The following PTPRD variants were observed in gnomAD, a reference collection of about 807,000 sequenced individuals.
PTPRD encodes the protein receptor-type tyrosine-protein phosphatase delta.
A neutral mutation model predicts 214.5 loss-of-function variants in PTPRD; 34 were observed. The ratio of observed to expected loss-of-function variants is 0.16; its 90% CI spans 0.12 to 0.21. PTPRD has a LOEUF of 0.21. Among genes scored for constraint, PTPRD ranks in the 10% least tolerant of loss-of-function variants. The pLI, the probability that PTPRD is intolerant of heterozygous loss-of-function variation, is 1.00. For missense variants in PTPRD, 2,545 were observed against 2,398.7 expected (o/e 1.06, Z -1.27); for synonymous variants, 1,128 against 845.7 (o/e 1.33, Z -5.79).
At chr9:8,637,328 C>T (rs745830745) in intron 12 of PTPRD, among the ~76,000 whole-genome samples, 2 of 152,086 alleles carry the variant, frequency 1.3e-5, no homozygotes, top group South Asian at 4.1e-4. Flanking sequence ...CAAGAAATAT[C>T]GCCCTGAATT....
At chr9:9,616,950 T>G (rs1465057254) in intron 7 of PTPRD, among the ~76,000 whole-genome samples, 6 of 152,190 alleles carry the variant, frequency 3.9e-5, no homozygotes, top group Non-Finnish European at 7.4e-5. Flanking sequence ...AATTTTAAAA[T>G]AAACTTGTTT....
At position 9,200,806 on chromosome 9, in the gene PTPRD, C is replaced by G. The variant is rs150101527; in HGVS notation, c.-202-17443G>C. On this transcript the variant is annotated intron_variant, in intron 9 of 45. Transcript: ENST00000381196. ...GTTCCTTTATCTTTCTAACCAAAAA[C>G]TGCAAAAACCTTTAGAACAAAGAAA... is the stretch of plus-strand genomic sequence containing the variant. Among the ~76,000 whole-genome samples, 676 of 152,292 alleles carry G rather than the reference C, an allele frequency of 4.4e-3. 3 individuals carry two copies. Among genetic ancestry groups the G allele is most frequent in the Non-Finnish European group, 6.6e-3 (452 of 68,012 alleles).
chr9:9,613,127 CATACATACATATATATATATATATATAT>C (rs1946034440), intron 7 of PTPRD, among the ~76,000 whole-genome samples: 1 of 39,118 alleles, frequency 2.6e-5, no homozygotes, highest in South Asian at 9.6e-4. Flanking sequence ...CTGCAGTATA[CATACATACATATATATATATATATATAT>C]ATATATATAT....
chr9:9,740,641 G>C (rs2098387047), intron 6 of PTPRD, among the ~76,000 whole-genome samples: 1 of 152,160 alleles, frequency 6.6e-6, no homozygotes, highest in Admixed American at 6.6e-5. Flanking sequence ...TGGGATTACA[G>C]GCCTGAGCCA....
At position 8,375,983 on chromosome 9, in the gene PTPRD, G is replaced by T; in HGVS notation, c.4614C>A (p.Val1538=). The T allele has an allele frequency of 6.2e-7, 1 of 1,612,924 alleles. No homozygotes were observed. ...PTPFLAFLRR[V]KTCNPPDAGP... Reference sequence around the variant, plus strand: ...CAGCATCGGGAGGGTTACAGGTTTTGACTCTACGTAAGAAAGCTAGAAAAG... The same window carrying T: ...CAGCATCGGGAGGGTTACAGGTTTTTACTCTACGTAAGAAAGCTAGAAAAG... Residue 1538 remains valine, a synonymous_variant, in exon 39 of 46, where the codon GTC becomes GTA. Transcript: ENST00000381196.
intron 11 of PTPRD, among the ~76,000 whole-genome samples, chr9:8,936,449 A>AAAAAAAT (rs1478761919): frequency 1.3e-5 from 2 of 149,128 alleles, no homozygotes; most frequent in African/African-American, 4.9e-5. Context: ...AAAAAAAAAA[A>AAAAAAAT]AGAAGATGAA....
intron 4 of PTPRD, among the ~76,000 whole-genome samples, chr9:10,008,001 T>G (rs1056849050): frequency 6.6e-6 from 1 of 152,158 alleles, no homozygotes; most frequent in South Asian, 2.1e-4. Context: ...TCTTAGTAAG[T>G]TTATAAAGTA....
At chr9:10,158,455 A>T (rs556575694) in intron 3 of PTPRD, among the ~76,000 whole-genome samples, 197 of 152,244 alleles carry the variant, frequency 1.3e-3, no homozygotes, top group African/African-American at 4.6e-3. Flanking sequence ...ACACTGTTGG[A>T]TTTGGTTTGC....
chr9:9,811,405 T>G (rs890028556), intron 5 of PTPRD, among the ~76,000 whole-genome samples: 1 of 151,924 alleles, frequency 6.6e-6, no homozygotes, highest in African/African-American at 2.4e-5. Flanking sequence ...AGTTGCTTCT[T>G]AAGGATGAGC....
At chr9:9,059,050 G>A (rs773980130) in intron 10 of PTPRD, among the ~76,000 whole-genome samples, 19 of 152,112 alleles carry the variant, frequency 1.2e-4, no homozygotes, top group Non-Finnish European at 2.2e-4. Context: ...AGAAGAGAAG[G>A]AGAAAGACTT....
chr9:9,622,128 G>C (rs1373175084), intron 7 of PTPRD, among the ~76,000 whole-genome samples: 1 of 152,146 alleles, frequency 6.6e-6, no homozygotes, highest in African/African-American at 2.4e-5. Flanking sequence ...TGATGTGATT[G>C]TTTATCAGAT....
At chr9:9,952,092 G>C (rs1165917176) in intron 4 of PTPRD, among the ~76,000 whole-genome samples, 1 of 152,156 alleles carries the variant, frequency 6.6e-6, no homozygotes, top group Non-Finnish European at 1.5e-5. Context: ...AATTAGAATG[G>C]ATTTACCAGA....
chr9:9,792,373 G>C (rs928929303), intron 5 of PTPRD, among the ~76,000 whole-genome samples: 1 of 152,138 alleles, frequency 6.6e-6, no homozygotes, highest in African/African-American at 2.4e-5. Flanking sequence ...AGAAGGAAGC[G>C]AGAGTTTCAT....
intron 3 of PTPRD, among the ~76,000 whole-genome samples, chr9:10,058,870 T>A (rs545087583): frequency 6.6e-6 from 1 of 152,270 alleles, no homozygotes; most frequent in South Asian, 2.1e-4. Context: ...TGTTGCTTTG[T>A]TTCTATCGTT....
rs553689090 is a variant in PTPRD, at chr9:9,799,151, C to T, written c.-367-32300G>A. On this transcript the variant is annotated intron_variant, in intron 5 of 45. Coordinates refer to ENST00000381196, the MANE Select transcript of PTPRD (RefSeq NM_002839.4). ...AATTTATATATTTTAAAAATAAATG[C>T]AATTAACTTCCATATAGCAAATAAA... is the stretch of plus-strand genomic sequence containing the variant. 5.9e-5 allele frequency among the ~76,000 whole-genome samples: 9 copies of T among 152,140 alleles called. No homozygotes were observed. The East Asian group carries it at 1.7e-3, about 29-fold the overall frequency.
intron 7 of PTPRD, among the ~76,000 whole-genome samples, chr9:9,576,907 T>C (rs762106642): frequency 3.9e-5 from 6 of 152,148 alleles, no homozygotes; most frequent in African/African-American, 1.4e-4. Context: ...AATTTCAACA[T>C]AAAAATCACA....
intron 37 of PTPRD, among the ~76,000 whole-genome samples, chr9:8,382,684 C>T (rs1019706116): frequency 1.3e-5 from 2 of 152,184 alleles, no homozygotes; most frequent in Non-Finnish European, 2.9e-5. Context: ...TTTAGATTGC[C>T]AACATGAGCA....
chr9:8,936,571 C>G (rs1192692426), intron 11 of PTPRD, among the ~76,000 whole-genome samples: 1 of 151,818 alleles, frequency 6.6e-6, no homozygotes. Flanking sequence ...TAGTTCATCT[C>G]TAAGGCAGCC....
chr9:9,329,772 T>C (rs545950048), intron 9 of PTPRD, among the ~76,000 whole-genome samples: 1 of 152,338 alleles, frequency 6.6e-6, no homozygotes, highest in African/African-American at 2.4e-5. Flanking sequence ...AGATACTACT[T>C]CATATTGAAA....
Sources: gnomAD v4.1 joint callset for allele counts (sites outside exome capture counted in the v4.1 genomes callset) on GRCh38, gnomAD v4.1.1 for gene constraint, MANE v1.5 for transcripts, NCBI Gene and HGNC (gene_info 2026-07-23, HGNC 2026-07-21) for gene names.